The following ASIC2 variants were observed in gnomAD, a reference collection of about 807,000 sequenced individuals.
ASIC2 encodes the protein acid-sensing ion channel 2.
Under a neutral mutation model 57.3 loss-of-function variants are expected in ASIC2, and 25 were observed. That is an observed-to-expected ratio of 0.44 (90% CI 0.32 to 0.61). The LOEUF (loss-of-function observed/expected upper bound fraction) is 0.61, where lower values mean the gene tolerates loss of function less well. ASIC2 is among the 20% of genes least tolerant of loss of function. The pLI is 0.06. For synonymous variants in ASIC2, 319 were observed against 307.5 expected (o/e 1.04, Z -0.39); for missense variants, 641 against 738.1 (o/e 0.87, Z 1.52).
At chr17:33,032,328 C>T (rs1194147570) in intron 3 of ASIC2, among the ~76,000 whole-genome samples, 1 of 151,424 alleles carries the variant, frequency 6.6e-6, no homozygotes, top group African/African-American at 2.4e-5. Flanking sequence ...TCATACTTAA[C>T]ATCACAATAT....
At chr17:33,348,016 C>A (rs143683511) in intron 1 of ASIC2, among the ~76,000 whole-genome samples, 2 of 152,134 alleles carry the variant, frequency 1.3e-5, no homozygotes, top group African/African-American at 4.8e-5. Context: ...GTAGAAGAAT[C>A]GCTTGAACCC....
chr17:33,669,742 G>A (rs567880070), intron 1 of ASIC2, among the ~76,000 whole-genome samples: 1 of 152,160 alleles, frequency 6.6e-6, no homozygotes, highest in Admixed American at 6.5e-5. Flanking sequence ...TACAGAATAA[G>A]TTGGTGAGAT....
chr17:33,089,465 G>T (rs1049610448), intron 2 of ASIC2, among the ~76,000 whole-genome samples: 3 of 152,212 alleles, frequency 2.0e-5, no homozygotes, highest in Non-Finnish European at 2.9e-5. Flanking sequence ...TTGAGCCTAG[G>T]GAAATCCATT....
At chr17:33,745,254 C>A (rs1431688952) in intron 1 of ASIC2, among the ~76,000 whole-genome samples, 7 of 152,094 alleles carry the variant, frequency 4.6e-5, no homozygotes, top group African/African-American at 1.7e-4. Flanking sequence ...CAAAGGTCAC[C>A]AGGCTGAAGA....
At chr17:34,110,748 C>T (rs1423198008) in intron 1 of ASIC2, among the ~76,000 whole-genome samples, 4 of 152,192 alleles carry the variant, frequency 2.6e-5, no homozygotes, top group East Asian at 1.9e-4. Context: ...TATATCCCAT[C>T]GGTCCCTGGG....
At chr17:33,593,022 A>G (rs187551897) in intron 1 of ASIC2, among the ~76,000 whole-genome samples, 20 of 152,296 alleles carry the variant, frequency 1.3e-4, no homozygotes, top group Non-Finnish European at 1.3e-4. Context: ...CCCAAATTGA[A>G]GTGTATGTCT....
intron 1 of ASIC2, among the ~76,000 whole-genome samples, chr17:34,031,865 A>G (rs1355795952): frequency 6.6e-6 from 1 of 152,234 alleles, no homozygotes; most frequent in Non-Finnish European, 1.5e-5. Flanking sequence ...CAGTATGTGG[A>G]AAGACCAAAT....
At chr17:33,453,638 T>C (rs1227013962) in intron 1 of ASIC2, among the ~76,000 whole-genome samples, 2 of 152,344 alleles carry the variant, frequency 1.3e-5, no homozygotes, top group African/African-American at 4.8e-5. Flanking sequence ...TGAGGAATAA[T>C]TGTTTTATAA....
chr17:33,457,776 A>G (rs1912501575), intron 1 of ASIC2, among the ~76,000 whole-genome samples: 1 of 152,308 alleles, frequency 6.6e-6, no homozygotes, highest in African/African-American at 2.4e-5. Context: ...TTTAATTCTT[A>G]CTGGAGCCTT....
At chr17:33,920,875 T>G (rs899429617) in intron 1 of ASIC2, among the ~76,000 whole-genome samples, 5 of 152,166 alleles carry the variant, frequency 3.3e-5, no homozygotes, top group Non-Finnish European at 7.4e-5. Context: ...TTGTTTCACC[T>G]TGCATGTTTC....
intron 1 of ASIC2, among the ~76,000 whole-genome samples, chr17:33,511,145 A>G (rs1914421010): frequency 9.3e-6 from 1 of 107,642 alleles, no homozygotes; most frequent in Admixed American, 1.5e-4. Context: ...CTCCAGCTGT[A>G]TGGCTGTAAG....
chr17:33,927,734 T>C (rs763321808), intron 1 of ASIC2, among the ~76,000 whole-genome samples: 5 of 152,216 alleles, frequency 3.3e-5, no homozygotes, highest in Admixed American at 2.0e-4. Flanking sequence ...CCCAGTGTCA[T>C]TCAGCAAGTT....
chr17:33,342,961 C>T (rs1274561908), intron 1 of ASIC2, among the ~76,000 whole-genome samples: 1 of 152,166 alleles, frequency 6.6e-6, no homozygotes, highest in Non-Finnish European at 1.5e-5. Flanking sequence ...CAGAAGCATG[C>T]ACATCCAAGG....
intron 1 of ASIC2, among the ~76,000 whole-genome samples, chr17:33,273,479 G>A (rs1182729983): frequency 6.6e-6 from 1 of 152,226 alleles, no homozygotes. Flanking sequence ...GAAGGACCTG[G>A]GAGAGGGGCT....
chr17:33,455,004 T>G (rs983072673), intron 1 of ASIC2, among the ~76,000 whole-genome samples: 6 of 152,230 alleles, frequency 3.9e-5, no homozygotes. Context: ...ACACATACAT[T>G]CAAACAATAG....
chr17:33,629,787 G>T (rs1162567102), intron 1 of ASIC2, among the ~76,000 whole-genome samples: 5 of 152,316 alleles, frequency 3.3e-5, no homozygotes, highest in East Asian at 3.9e-4. Context: ...ACCCAGTTCT[G>T]CCAGAAGCTC....
At chr17:33,366,252 T>C (rs989126391) in intron 1 of ASIC2, among the ~76,000 whole-genome samples, 5 of 152,270 alleles carry the variant, frequency 3.3e-5, no homozygotes, top group African/African-American at 1.2e-4. Context: ...TCTGAAGTTT[T>C]AAGCTAGTTT....
chr17:33,814,337 G>C (rs1300818663), intron 1 of ASIC2, among the ~76,000 whole-genome samples: 1 of 152,190 alleles, frequency 6.6e-6, no homozygotes, highest in Non-Finnish European at 1.5e-5. Context: ...AAAAGTATCC[G>C]TGTGTGACCA....
intron 1 of ASIC2, among the ~76,000 whole-genome samples, chr17:33,669,081 G>A (rs113879684): frequency 9.2e-5 from 14 of 152,270 alleles, no homozygotes; most frequent in African/African-American, 3.4e-4. Context: ...TTCAAAATCA[G>A]ACTTTGGGTT....
Sources: allele counts gnomAD v4.1 joint callset (sites outside exome capture counted in the v4.1 genomes callset), GRCh38; gene constraint gnomAD v4.1.1; transcripts MANE v1.5; gene names NCBI Gene and HGNC (gene_info 2026-07-23, HGNC 2026-07-21).